PPP2R5E: variants seen among roughly 807,000 people sequenced by gnomAD.
PPP2R5E encodes the protein serine/threonine-protein phosphatase 2A 56 kDa regulatory subunit epsilon isoform.
PPP2R5E carries 4 observed loss-of-function variants against 65.3 expected under a neutral mutation model. That is an observed-to-expected ratio of 0.06 (90% CI 0.03 to 0.14). The LOEUF (loss-of-function observed/expected upper bound fraction) is 0.14, where lower values mean the gene tolerates loss of function less well. PPP2R5E is among the 10% of genes least tolerant of loss of function. The pLI, the probability that PPP2R5E is intolerant of heterozygous loss-of-function variation, is 1.00. For missense variants in PPP2R5E, 274 were observed against 556.1 expected (o/e 0.49, Z 5.10); for synonymous variants, 183 against 187.4 (o/e 0.98, Z 0.19).
intron 2 of PPP2R5E, among the ~76,000 whole-genome samples, chr14:63,470,251 T>C (rs1260728717): frequency 6.6e-6 from 1 of 152,130 alleles, no homozygotes; most frequent in Non-Finnish European, 1.5e-5. Flanking sequence ...TTTGTAGTTT[T>C]TGTAAAGACA....
intron 2 of PPP2R5E, among the ~76,000 whole-genome samples, chr14:63,465,779 TA>T (rs1212845184): frequency 6.6e-6 from 1 of 152,186 alleles, no homozygotes; most frequent in Non-Finnish European, 1.5e-5. Flanking sequence ...GAGCAAATCA[TA>T]AAATCCTAAT....
In PPP2R5E at chr14:63,540,737, G is replaced by C. The variant is rs1045613759; in HGVS notation, c.-7-1045C>G. On this transcript the variant is annotated intron_variant, in intron 1 of 13. Transcript: ENST00000337537. ...AACTCCTTCTCAAAAAAAAAAAAAAGAAACAAACAAAGAAAAGAAAAGTCA... is the reference window on the plus strand; with the variant it reads ...AACTCCTTCTCAAAAAAAAAAAAAACAAACAAACAAAGAAAAGAAAAGTCA... Among the ~76,000 whole-genome samples the C allele has an allele frequency of 6.8e-5, 10 of 146,878 alleles. No homozygotes were observed. In the East Asian group the frequency reaches 1.2e-3, roughly 17 times the overall value.
intron 3 of PPP2R5E, among the ~76,000 whole-genome samples, chr14:63,433,159 C>A (rs1424316199): frequency 6.6e-6 from 1 of 151,462 alleles, no homozygotes; most frequent in African/African-American, 2.4e-5. Flanking sequence ...CACCTCAGCC[C>A]CGCAAGTAGC....
At chr14:63,445,261 T>C (rs1209207663) in intron 3 of PPP2R5E, among the ~76,000 whole-genome samples, 1 of 152,162 alleles carries the variant, frequency 6.6e-6, no homozygotes, top group Non-Finnish European at 1.5e-5. Context: ...ATAAAGCAAA[T>C]ATCTCAATAA....
At chr14:63,473,557 A>C (rs1370805039) in intron 2 of PPP2R5E, among the ~76,000 whole-genome samples, 1 of 152,232 alleles carries the variant, frequency 6.6e-6, no homozygotes, top group African/African-American at 2.4e-5. Context: ...GATATACAAG[A>C]GTAAAACCTT....
In PPP2R5E at chr14:63,517,738, CCATTT is replaced by C. The variant is rs200086072; in HGVS notation, c.157+21786_157+21790del. Among the ~76,000 whole-genome samples, 10 of 152,288 alleles carry C rather than the reference CCATTT, an allele frequency of 6.6e-5. No individual in the cohort carries two copies. In the East Asian group the frequency reaches 1.9e-3, roughly 29 times the overall value. On this transcript the variant is annotated intron_variant, in intron 2 of 13. Transcript: ENST00000337537. Reference sequence around the variant, plus strand: ...GGTGGATTCAATTTTTAACTTCATTCCATTTGTCAAATTTGAAATACTTTCAATTA... The same window carrying C: ...GGTGGATTCAATTTTTAACTTCATTCGTCAAATTTGAAATACTTTCAATTA...
At chr14:63,446,281 A>G (rs1888470234) in intron 3 of PPP2R5E, among the ~76,000 whole-genome samples, 1 of 152,148 alleles carries the variant, frequency 6.6e-6, no homozygotes, top group African/African-American at 2.4e-5. Context: ...GAGGGTTGGA[A>G]TCAACCCCTT....
intron 5 of PPP2R5E, among the ~76,000 whole-genome samples, chr14:63,412,585 C>T (rs990612987): frequency 6.6e-6 from 1 of 152,176 alleles, no homozygotes; most frequent in African/African-American, 2.4e-5. Flanking sequence ...ACGAAGAACT[C>T]GGTCTAGAGG....
intron 2 of PPP2R5E, among the ~76,000 whole-genome samples, chr14:63,515,998 C>T (rs1359765459): frequency 6.6e-6 from 1 of 151,116 alleles, no homozygotes; most frequent in African/African-American, 2.4e-5. Flanking sequence ...TATAAGCGCC[C>T]GCCACCACGC....
intron 5 of PPP2R5E, among the ~76,000 whole-genome samples, chr14:63,403,387 CAAAAAAAAAAA>C (rs35226807): frequency 2.5e-5 from 2 of 79,260 alleles, no homozygotes; most frequent in African/African-American, 7.5e-5. Context: ...GAGTCTGTCT[CAAAAAAAAAAA>C]AAAAAAAAAA....
intron 2 of PPP2R5E, among the ~76,000 whole-genome samples, chr14:63,460,394 A>G (rs544961284): frequency 6.6e-6 from 1 of 152,326 alleles, no homozygotes; most frequent in Admixed American, 6.5e-5. Flanking sequence ...GGGCATACCA[A>G]TAACAATGAT....
intron 2 of PPP2R5E, among the ~76,000 whole-genome samples, chr14:63,507,726 C>T (rs1160002555): frequency 6.6e-6 from 1 of 151,524 alleles, no homozygotes; most frequent in Non-Finnish European, 1.5e-5. Flanking sequence ...ACTACAGGCG[C>T]CCGCCACCAC....
At chr14:63,430,369 A>ACATACATGCATACATACATACATG (rs1887581648) in intron 3 of PPP2R5E, among the ~76,000 whole-genome samples, 3 of 135,038 alleles carry the variant, frequency 2.2e-5, no homozygotes, top group African/African-American at 9.4e-5. Context: ...ATACATACAT[A>ACATACATGCATACATACATACATG]CATGCATGCA....
chr14:63,521,644 T>C lies in PPP2R5E; in HGVS notation c.157+17885A>G, dbSNP rs188146470. Among the ~76,000 whole-genome samples the C allele has an allele frequency of 4.9e-4, 74 of 152,194 alleles. 1 individual carries two copies. The East Asian group carries it at 0.011, about 23-fold the overall frequency. ...CGCCACTGCACTCCAGTCTGGTGAA[T>C]AGAGCAAGACTCAGTCTCAAAAAAA... On this transcript the variant is annotated intron_variant, in intron 2 of 13. Transcript: ENST00000337537.
At chr14:63,506,346 G>C (rs1274457317) in intron 2 of PPP2R5E, among the ~76,000 whole-genome samples, 1 of 152,138 alleles carries the variant, frequency 6.6e-6, no homozygotes, top group African/African-American at 2.4e-5. Flanking sequence ...AGCTACTCAG[G>C]AGGCTGAGGC....
At chr14:63,523,323 A>G (rs1272693959) in intron 2 of PPP2R5E, among the ~76,000 whole-genome samples, 2 of 151,972 alleles carry the variant, frequency 1.3e-5, no homozygotes, top group Non-Finnish European at 2.9e-5. Flanking sequence ...TTTGTGTAGT[A>G]GGAGGTAGAC....
intron 2 of PPP2R5E, among the ~76,000 whole-genome samples, chr14:63,508,710 A>G (rs1892331126): frequency 6.6e-6 from 1 of 152,224 alleles, no homozygotes; most frequent in South Asian, 2.1e-4. Context: ...GCCAGAGTCC[A>G]GAAGAGACCC....
chr14:63,487,359 C>CG (rs544809725), intron 2 of PPP2R5E, among the ~76,000 whole-genome samples: 40 of 152,258 alleles, frequency 2.6e-4, no homozygotes, highest in African/African-American at 7.0e-4. Flanking sequence ...TACCACCCCC[C>CG]CCTCTTAAAT....
At chr14:63,505,133 C>G (rs11622228) in intron 2 of PPP2R5E, among the ~76,000 whole-genome samples, 1 of 151,954 alleles carries the variant, frequency 6.6e-6, no homozygotes, top group Admixed American at 6.6e-5. Flanking sequence ...TCAGGAGTTC[C>G]AGACCAGCCT....
Sources: gnomAD v4.1 joint callset for allele counts (sites outside exome capture counted in the v4.1 genomes callset) on GRCh38, gnomAD v4.1.1 for gene constraint, MANE v1.5 for transcripts, NCBI Gene and HGNC (gene_info 2026-07-23, HGNC 2026-07-21) for gene names.